SETBP1: variants seen among roughly 807,000 people sequenced by gnomAD.
SETBP1 encodes SET binding protein 1.
A neutral mutation model predicts 101.0 loss-of-function variants in SETBP1; 9 were observed. The observed-to-expected ratio is 0.09, with a 90% CI of 0.05 to 0.16. The LOEUF (loss-of-function observed/expected upper bound fraction) is 0.16, where lower values mean the gene tolerates loss of function less well. SETBP1 is among the 10% of genes least tolerant of loss of function. The pLI, the probability that SETBP1 is intolerant of heterozygous loss-of-function variation, is 1.00. For missense variants in SETBP1, 1,858 were observed against 2,033.8 expected (o/e 0.91, Z 1.66); for synonymous variants, 818 against 788.5 (o/e 1.04, Z -0.63).
intron 4 of SETBP1, among the ~76,000 whole-genome samples, chr18:44,976,073 TACAC>T (rs57458132): frequency 0.53 from 76,722 of 143,472 alleles, 20,499 homozygotes; most frequent in Non-Finnish European, 0.59. Flanking sequence ...TGGGGAGGGA[TACAC>T]ACACACACAC....
At chr18:44,984,427 C>A (rs2072183962) in intron 4 of SETBP1, among the ~76,000 whole-genome samples, 2 of 152,148 alleles carry the variant, frequency 1.3e-5, no homozygotes, top group Non-Finnish European at 1.5e-5. Context: ...AGGGTTCAGG[C>A]TCCTATGAGA....
At chr18:44,691,609 C>T (rs961690302) in intron 1 of SETBP1, among the ~76,000 whole-genome samples, 3 of 152,200 alleles carry the variant, frequency 2.0e-5, no homozygotes, top group African/African-American at 7.2e-5. Context: ...GTATGTCAGA[C>T]CTCAGGTCTC....
intron 2 of SETBP1, among the ~76,000 whole-genome samples, chr18:44,718,399 C>T (rs141208755): frequency 2.2e-3 from 339 of 152,066 alleles, no homozygotes; most frequent in African/African-American, 7.5e-3. Flanking sequence ...GCAGGAGGAG[C>T]GGGAGAAGTG....
intron 3 of SETBP1, chr18:44,870,227 A>T (rs2069241906): frequency 6.6e-6 from 1 of 152,226 alleles, no homozygotes; most frequent in South Asian, 2.1e-4. Context: ...TCTTCTTTAA[A>T]GGTGTTTCAC....
intron 2 of SETBP1, among the ~76,000 whole-genome samples, chr18:44,775,471 G>T (rs1403842792): frequency 6.6e-6 from 1 of 152,160 alleles, no homozygotes; most frequent in African/African-American, 2.4e-5. Flanking sequence ...TAAGAATTCA[G>T]TACTTCAGTT....
At chr18:44,974,583 A>G (rs976805028) in intron 4 of SETBP1, among the ~76,000 whole-genome samples, 3 of 152,166 alleles carry the variant, frequency 2.0e-5, no homozygotes, top group East Asian at 3.8e-4. Context: ...GACCTCCCCA[A>G]ATGACTGATG....
chr18:44,841,140 A>G (rs2072607479), intron 2 of SETBP1, among the ~76,000 whole-genome samples: 1 of 152,194 alleles, frequency 6.6e-6, no homozygotes, highest in Admixed American at 6.5e-5. Flanking sequence ...ATTCCGGCTC[A>G]TGGTCTCATG....
intron 2 of SETBP1, among the ~76,000 whole-genome samples, chr18:44,778,270 C>A (rs577276753): frequency 6.6e-6 from 1 of 152,180 alleles, no homozygotes; most frequent in Non-Finnish European, 1.5e-5. Context: ...TCCCATCCCC[C>A]TCTTATTCTC....
chr18:44,943,134 C>A (rs1405756769), intron 3 of SETBP1, among the ~76,000 whole-genome samples: 3 of 152,156 alleles, frequency 2.0e-5, no homozygotes, highest in Non-Finnish European at 4.4e-5. Flanking sequence ...GAGAGATAAG[C>A]TTTGGGACAA....
chr18:44,819,527 G>A (rs890145942), intron 2 of SETBP1, among the ~76,000 whole-genome samples: 7 of 152,142 alleles, frequency 4.6e-5, no homozygotes, highest in African/African-American at 1.7e-4. Flanking sequence ...CGTAAGATCC[G>A]AAGTGGTGGC....
intron 2 of SETBP1, among the ~76,000 whole-genome samples, chr18:44,830,430 T>C (rs1210950732): frequency 1.3e-5 from 2 of 152,212 alleles, no homozygotes; most frequent in Non-Finnish European, 2.9e-5. Flanking sequence ...CTTTCCAGAA[T>C]GTAATTTTAC....
intron 4 of SETBP1, among the ~76,000 whole-genome samples, chr18:44,997,174 GC>G (rs1158681298): frequency 1.3e-5 from 2 of 152,212 alleles, no homozygotes; most frequent in East Asian, 3.9e-4. Flanking sequence ...GACAGCATCT[GC>G]CCCTATGATA....
chr18:44,925,227 C>T (rs574555367), intron 3 of SETBP1, among the ~76,000 whole-genome samples: 21 of 150,696 alleles, frequency 1.4e-4, no homozygotes, highest in Non-Finnish European at 2.7e-4. Context: ...TTTTTTTTCA[C>T]CCTGAAAATT....
At chr18:44,903,724 G>A (rs2070106089) in intron 3 of SETBP1, among the ~76,000 whole-genome samples, 1 of 152,114 alleles carries the variant, frequency 6.6e-6, no homozygotes, top group African/African-American at 2.4e-5. Context: ...TCACAGACTA[G>A]GTACAAAATA....
intron 4 of SETBP1, among the ~76,000 whole-genome samples, chr18:45,026,804 G>T (rs1417829852): frequency 6.6e-6 from 1 of 152,130 alleles, no homozygotes; most frequent in Admixed American, 6.6e-5. Context: ...TAGCATGTGT[G>T]TGTGTGTGCA....
At chr18:44,876,854 A>G (rs2069418344) in intron 3 of SETBP1, 1 of 1,420,718 alleles carries the variant, frequency 7.0e-7, no homozygotes. Flanking sequence ...GAGTGACAGC[A>G]TTTGGGCTTA....
In SETBP1 at chr18:45,025,123, G is replaced by A. The variant is rs568794769; in HGVS notation, c.4001-13362G>A. On this transcript the variant is annotated intron_variant, in intron 4 of 5. Coordinates refer to ENST00000649279, the MANE Select transcript of SETBP1 (RefSeq NM_015559.3). ...GTCTATTGAGTACAGAGTATCAGCCGAGGAAGGCAGCTGGGGTTTCAAGGG... is the reference window on the plus strand; with the variant it reads ...GTCTATTGAGTACAGAGTATCAGCCAAGGAAGGCAGCTGGGGTTTCAAGGG... 2.0e-5 allele frequency among the ~76,000 whole-genome samples: 3 copies of A among 152,240 alleles called. No homozygotes were observed. In the South Asian group the frequency reaches 6.2e-4, roughly 32 times the overall value.
At chr18:44,813,967 C>T (rs1333520821) in intron 2 of SETBP1, among the ~76,000 whole-genome samples, 3 of 152,074 alleles carry the variant, frequency 2.0e-5, no homozygotes, top group South Asian at 4.1e-4. Flanking sequence ...GGTTCTGTTC[C>T]GTGATAGAGT....
intron 4 of SETBP1, among the ~76,000 whole-genome samples, chr18:44,981,902 T>C (rs1164784852): frequency 6.6e-6 from 1 of 152,252 alleles, no homozygotes. Flanking sequence ...CAACAGGGTA[T>C]TAACGTTTGC....
Sources: allele counts gnomAD v4.1 joint callset (sites outside exome capture counted in the v4.1 genomes callset), GRCh38; gene constraint gnomAD v4.1.1; transcripts MANE v1.5; gene names NCBI Gene and HGNC (gene_info 2026-07-23, HGNC 2026-07-21).